The following BSCL2 variants were observed in gnomAD, a reference collection of about 807,000 sequenced individuals.
BSCL2 encodes seipin.
Under a neutral mutation model 57.4 loss-of-function variants are expected in BSCL2, and 41 were observed. That is an observed-to-expected ratio of 0.71 (90% confidence interval 0.56 to 0.93). The LOEUF is 0.93. Ranked by LOEUF, BSCL2 falls within the 40% of genes least tolerant of loss-of-function variation. The pLI, the probability that BSCL2 is intolerant of heterozygous loss-of-function variation, is 0.00. For synonymous variants in BSCL2, 237 were observed against 227.3 expected, an observed-to-expected ratio of 1.04 and a Z score of -0.38; for missense variants, 539 against 586.7, an observed-to-expected ratio of 0.92 and a Z score of 0.84.
At chr11:62,694,419 A>C in intron 4 of BSCL2, 149 bp downstream of exon 4, 1 of 1,144,540 alleles carries the variant, frequency 8.7e-7, no homozygotes, top group South Asian at 1.3e-5. Flanking sequence ...TGCCCAGGCC[A>C]GTCTTGAACT....
chr11:62,706,596 C>A (rs940405154), intron 1 of BSCL2: 10 of 469,390 alleles, frequency 2.1e-5, no homozygotes, highest in South Asian at 1.5e-4. Context: ...ACTGCAATCA[C>A]AGCCCTCCGT....
chr11:62,708,446 G>T (rs1449655485), upstream of BSCL2: 5 of 1,373,490 alleles, frequency 3.6e-6, no homozygotes, highest in Non-Finnish European at 5.2e-6. Context: ...GTGCTGTGCT[G>T]CAGGTTCCCA....
chr11:62,701,839 A>AG (rs1308627844), intron 3 of BSCL2, among the ~76,000 whole-genome samples: 2 of 151,728 alleles, frequency 1.3e-5, no homozygotes, highest in Non-Finnish European at 2.9e-5. Flanking sequence ...GAAAAAAAAA[A>AG]AAAAAAAGAA....
intron 6 of BSCL2, 66 bp downstream of exon 6, chr11:62,692,310 A>G: frequency 6.6e-7 from 1 of 1,519,760 alleles, no homozygotes; most frequent in Non-Finnish European, 9.1e-7. Flanking sequence ...TCTGCTTGGG[A>G]CCCTCTTGGT....
Position 62,692,729 on chromosome 11 carries a change from T to A in BSCL2, c.699A>T (p.Leu233=). 6.2e-7 allele frequency: 1 copy of A among 1,614,054 alleles called. No individual in the cohort carries two copies. Among genetic ancestry groups the A allele is most frequent in the Non-Finnish European group, 8.5e-7 (1 of 1,180,020 alleles). The change falls in exon 5 of 11, where the codon CTA becomes CTT. Residue 233 remains leucine (L), a synonymous_variant. Coordinates refer to ENST00000360796, the MANE Select transcript of BSCL2 (RefSeq NM_001122955.4). ...LDTLVFSSLL[L]FGFAEQKQLL... Reference sequence around the variant, plus strand: ...GCTGCTTCTGCTCTGCAAAGCCAAATAGCAGGAGGCTAGAGAAGACCAGTG... The same window carrying A: ...GCTGCTTCTGCTCTGCAAAGCCAAAAAGCAGGAGGCTAGAGAAGACCAGTG...
Position 62,707,091 on chromosome 11 carries a change from C to G in BSCL2, c.87+18G>C. On this transcript the variant is annotated intron_variant, in intron 1 of 10. Transcript: ENST00000360796. ...TTTCCAGTATATTTCTGCTGACTGTCCCCACAAGGGCCCCTACCTCCTCTT... is the reference window on the plus strand; with the variant it reads ...TTTCCAGTATATTTCTGCTGACTGTGCCCACAAGGGCCCCTACCTCCTCTT... The G allele has an allele frequency of 6.5e-7, 1 of 1,549,942 alleles. No individual in the cohort carries two copies. Among genetic ancestry groups the G allele is most frequent in the East Asian group, 2.4e-5 (1 of 41,034 alleles).
chr11:62,704,110 A>C (rs1287444431), intron 2 of BSCL2, among the ~76,000 whole-genome samples: 1 of 147,342 alleles, frequency 6.8e-6, no homozygotes, highest in African/African-American at 2.5e-5. Context: ...AGGCAACAGC[A>C]CGAGACTCTG....
At chr11:62,700,919 C>T (rs1362600317) in intron 3 of BSCL2, among the ~76,000 whole-genome samples, 1 of 150,454 alleles carries the variant, frequency 6.6e-6, no homozygotes, top group African/African-American at 2.4e-5. Context: ...CGCCACTGCA[C>T]TCCAGTCTTG....
chr11:62,693,829 T>C (rs1945374800), intron 4 of BSCL2, among the ~76,000 whole-genome samples: 1 of 152,100 alleles, frequency 6.6e-6, no homozygotes, highest in Admixed American at 6.6e-5. Context: ...TCTTTTTTTT[T>C]TTAAGACAAA....
intron 1 of BSCL2, chr11:62,705,833 A>G (rs1490642574): frequency 5.3e-6 from 3 of 561,590 alleles, no homozygotes; most frequent in Non-Finnish European, 9.3e-6. Context: ...AAATCTCCTC[A>G]GTGGAATTCC....
intron 1 of BSCL2, 147 bp from the exon 2 acceptor site, chr11:62,705,764 T>G: frequency 1.3e-6 from 1 of 791,870 alleles, no homozygotes. Flanking sequence ...CAAATGATTG[T>G]GCCACTCTGC....
At chr11:62,709,073 G>A, upstream of BSCL2, 2 of 495,820 alleles carry the variant, frequency 4.0e-6, no homozygotes, top group Non-Finnish European at 7.6e-6. Context: ...CTGCCAGCGC[G>A]TCCTGCCCGC....
Position 62,692,363 on chromosome 11 carries a change from G to A in BSCL2, c.863+13C>T, listed in dbSNP as rs1327519893. The A allele has an allele frequency of 5.0e-6, 8 of 1,613,650 alleles. No individual in the cohort carries two copies. The highest frequency in any genetic ancestry group is 6.8e-6 in the Non-Finnish European group (8 of 1,179,688). On this transcript the variant is annotated intron_variant, in intron 6 of 10. Coordinates refer to ENST00000360796, the MANE Select transcript of BSCL2 (RefSeq NM_001122955.4). ...GAAGAGTTGCCCAAGGTTCACTCCA[G>A]TTGGCCCCTCACCTGAGCCCAGTGA... is the stretch of plus-strand genomic sequence containing the variant.
upstream of BSCL2, chr11:62,707,443 C>T: frequency 1.4e-6 from 1 of 695,884 alleles, no homozygotes; most frequent in Non-Finnish European, 2.6e-6. Flanking sequence ...TCCCCCGCAG[C>T]CAGTACAGAC....
intron 5 of BSCL2, 51 bp downstream of exon 5, chr11:62,692,612 G>A (rs754251691): frequency 6.2e-7 from 1 of 1,613,228 alleles, no homozygotes. Flanking sequence ...AGAATCCTGG[G>A]CTAATGGGAG....
At chr11:62,706,643 G>C in intron 1 of BSCL2, 1 of 473,890 alleles carries the variant, frequency 2.1e-6, no homozygotes, top group Non-Finnish European at 4.4e-6. Flanking sequence ...CCCGCGAAGC[G>C]GCCGAGTGAG....
chr11:62,694,684 C>A lies in BSCL2; in HGVS notation c.514G>T (p.Val172Phe), dbSNP rs1945403974. 1.2e-6 allele frequency: 2 copies of A among 1,614,038 alleles called. No individual in the cohort carries two copies. Among genetic ancestry groups the A allele is most frequent in the Non-Finnish European group, 1.7e-6 (2 of 1,180,028 alleles). The change falls in exon 4 of 11, where the codon GTT becomes TTT. Residue 172 changes from valine to phenylalanine, a missense_variant. Physicochemically the swap from Val to Phe is conservative, Grantham distance 50. Around this residue, in one of 3 missense-constraint regions of BSCL2, gnomAD observed 218 missense variants for 224.8 expected, o/e 0.97. Coordinates refer to ENST00000360796, the MANE Select transcript of BSCL2 (RefSeq NM_001122955.4). ...RVLMYGQPYRVTLELELPESP... is the reference protein window; with the variant it reads ...RVLMYGQPYRFTLELELPESP... ...TCTGGCAGCTCAAGCTCTAAGGTAA[C>A]ACGATACGGCTGTCCATACATCAGC... is the stretch of plus-strand genomic sequence containing the variant.
intron 1 of BSCL2, chr11:62,706,189 C>A (rs1411980788): frequency 5.7e-6 from 6 of 1,044,326 alleles, no homozygotes; most frequent in Non-Finnish European, 7.0e-6. Flanking sequence ...GGGCAAAGCG[C>A]CCGGAGCCCC....
chr11:62,702,635 T>C, intron 2 of BSCL2, 86 bp from the exon 3 acceptor site: 1 of 1,089,484 alleles, frequency 9.2e-7, no homozygotes, highest in Non-Finnish European at 1.4e-6. Flanking sequence ...GGCTCCCTCC[T>C]GCCCTCCTCC....
Sources: allele counts gnomAD v4.1 joint callset (sites outside exome capture counted in the v4.1 genomes callset), GRCh38; gene constraint gnomAD v4.1.1; regional missense constraint gnomAD v4.1.1; transcripts MANE v1.5; gene names NCBI Gene and HGNC (gene_info 2026-07-23, HGNC 2026-07-21).